SH3D19: variants seen among roughly 807,000 people sequenced by gnomAD.
SH3D19 encodes SH3 domain-containing protein 19.
In SH3D19, 58 loss-of-function variants were observed where a neutral mutation model predicts 112.1. The ratio of observed to expected loss-of-function variants is 0.52; its 90% CI spans 0.42 to 0.64. SH3D19 has a LOEUF of 0.64. SH3D19 is among the 30% of genes least tolerant of loss of function. SH3D19 has a pLI of 0.00. For synonymous variants in SH3D19, 391 were observed against 448.5 expected (o/e 0.87, Z 1.62); for missense variants, 1,090 against 1,263.4 (o/e 0.86, Z 2.08).
chr4:151,239,018 C>T (rs1305343291), intron 1 of SH3D19, among the ~76,000 whole-genome samples: 1 of 152,108 alleles, frequency 6.6e-6, no homozygotes, highest in Non-Finnish European at 1.5e-5. Context: ...AAAGTAAGTG[C>T]CCAATTCTGA....
At chr4:151,227,229 T>C (rs534325703) in intron 1 of SH3D19, among the ~76,000 whole-genome samples, 17 of 152,214 alleles carry the variant, frequency 1.1e-4, no homozygotes, top group African/African-American at 3.9e-4. Context: ...TTATGAAACA[T>C]ACTCTAAAAC....
At chr4:151,322,258 C>A (rs951978243) in intron 1 of SH3D19, among the ~76,000 whole-genome samples, 1 of 151,744 alleles carries the variant, frequency 6.6e-6, no homozygotes, top group Admixed American at 6.6e-5. Flanking sequence ...CATGGTGAAA[C>A]CCCGTCTCCA....
chr4:151,126,561 T>C (rs1026319435), intron 19 of SH3D19, among the ~76,000 whole-genome samples: 2 of 151,918 alleles, frequency 1.3e-5, no homozygotes, highest in Admixed American at 6.6e-5. Flanking sequence ...TTTTGGAGGC[T>C]GAGGTGGGCG....
chr4:151,176,612 C>T lies in SH3D19; in HGVS notation c.451G>A (p.Ala151Thr). 1.6e-6 allele frequency: 2 copies of T among 1,231,444 alleles called. No homozygotes were observed. Among genetic ancestry groups the T allele is most frequent in the Non-Finnish European group, 2.0e-6 (2 of 987,358 alleles). The allele number at this position is 1,231,444 out of a possible 1,614,324, so 76.3% of individuals were successfully genotyped here. The change falls in exon 6 of 20, where the codon GCT (alanine) becomes ACT (threonine). Residue 151 changes from alanine to threonine, a missense_variant. Transcript: ENST00000604030. Reference protein sequence around the residue: ...QVNTTNNNNAAATPRHTITSA... With the variant: ...QVNTTNNNNATATPRHTITSA... ...GTAATAGTGTGCCTTGGAGTAGCAG[C>T]AGCATTATTATTATTTGTAGTATTA... is the stretch of plus-strand genomic sequence containing the variant.
chr4:151,243,505 A>G (rs1228885793), intron 1 of SH3D19, among the ~76,000 whole-genome samples: 1 of 152,270 alleles, frequency 6.6e-6, no homozygotes, highest in Admixed American at 6.5e-5. Flanking sequence ...TCAGGATGTC[A>G]CTGACAATAT....
chr4:151,297,771 A>C (rs1775803335), intron 1 of SH3D19, among the ~76,000 whole-genome samples: 1 of 152,216 alleles, frequency 6.6e-6, no homozygotes, highest in African/African-American at 2.4e-5. Context: ...TAATCCCCAG[A>C]ATCTGTGAAT....
intron 1 of SH3D19, among the ~76,000 whole-genome samples, chr4:151,252,775 T>C (rs1348843679): frequency 6.6e-6 from 1 of 152,122 alleles, no homozygotes; most frequent in Non-Finnish European, 1.5e-5. Context: ...CCAGAAACCT[T>C]CTCCTCCTAC....
chr4:151,309,857 G>C (rs1729269752), intron 1 of SH3D19, among the ~76,000 whole-genome samples: 1 of 152,144 alleles, frequency 6.6e-6, no homozygotes, highest in Non-Finnish European at 1.5e-5. Context: ...GGGTATGGTG[G>C]CACATACTTG....
intron 1 of SH3D19, among the ~76,000 whole-genome samples, chr4:151,319,979 G>A (rs1401203378): frequency 6.6e-6 from 1 of 152,062 alleles, no homozygotes; most frequent in East Asian, 1.9e-4. Context: ...ACTAGCTGAG[G>A]GACTGTGGAT....
intron 2 of SH3D19, among the ~76,000 whole-genome samples, chr4:151,224,295 C>T (rs973464935): frequency 2.0e-5 from 3 of 151,558 alleles, no homozygotes; most frequent in South Asian, 2.1e-4. Context: ...GGAAACAGGG[C>T]GAGACTCCAT....
At position 151,122,110 on chromosome 4, in the gene SH3D19, TG is replaced by T. The variant is rs745500874; in HGVS notation, c.3124del (p.Gln1042SerfsTer21). On this transcript the variant is annotated frameshift_variant, in exon 20 of 20. Coordinates refer to ENST00000604030, the MANE Select transcript of SH3D19 (RefSeq NM_001378122.1). LOFTEE classifies it high-confidence loss of function. ...TCTCCTCTAGCTGATCTGTAGAAAC[TG>T]TATGTAGTTTTTGGGAAATATTCCA... is the stretch of plus-strand genomic sequence containing the variant. ...KSGIFPKNYIQFLQIS is the reference protein window; with the variant it reads ...KSGIFPKNYIXFLQIS 36 of 1,590,494 alleles carry T rather than the reference TG, an allele frequency of 2.3e-5. No individual in the cohort carries two copies. The highest frequency in any genetic ancestry group is 3.0e-5 in the Non-Finnish European group (35 of 1,158,810).
chr4:151,307,941 G>T (rs1197234629), intron 1 of SH3D19, among the ~76,000 whole-genome samples: 1 of 152,090 alleles, frequency 6.6e-6, no homozygotes, highest in African/African-American at 2.4e-5. Context: ...ACAGTGTTTT[G>T]CTGTTACTGC....
intron 2 of SH3D19, among the ~76,000 whole-genome samples, chr4:151,207,566 G>C (rs984291442): frequency 2.0e-5 from 3 of 152,292 alleles, no homozygotes; most frequent in Non-Finnish European, 4.4e-5. Context: ...TCTTCAGGTA[G>C]CCAAAGGTAA....
At chr4:151,233,360 C>T (rs1164950162) in intron 1 of SH3D19, among the ~76,000 whole-genome samples, 1 of 152,168 alleles carries the variant, frequency 6.6e-6, no homozygotes, top group Admixed American at 6.5e-5. Flanking sequence ...ATGAGACCAG[C>T]CCCTGGTGCC....
intron 7 of SH3D19, among the ~76,000 whole-genome samples, chr4:151,170,976 C>T (rs1758935038): frequency 6.6e-6 from 1 of 152,198 alleles, no homozygotes. Flanking sequence ...TTGCATTTTT[C>T]ACCTAATAAT....
chr4:151,241,575 A>G (rs1770563201), intron 1 of SH3D19, among the ~76,000 whole-genome samples: 1 of 143,798 alleles, frequency 7.0e-6, no homozygotes, highest in South Asian at 2.1e-4. Context: ...TATCTAATTT[A>G]TTTATTTAAG....
At chr4:151,211,492 TAA>T (rs1442055482) in intron 2 of SH3D19, among the ~76,000 whole-genome samples, 3 of 151,726 alleles carry the variant, frequency 2.0e-5, no homozygotes, top group African/African-American at 7.3e-5. Context: ...TAGAAATGGT[TAA>T]GTTTAGTGAG....
rs569510464 is a variant in SH3D19 at position 151,324,880 on chromosome 4, A to G, written c.112+361T>C. On this transcript the variant is annotated intron_variant, in intron 1 of 19. Coordinates refer to ENST00000604030, the MANE Select transcript of SH3D19 (RefSeq NM_001378122.1). ...GACCTGGCTGCGGCGGCGCAGGCAA[A>G]CCCCTCGGAAGGTGTCGTTGTCCAC... Among the ~76,000 whole-genome samples, 29 of 151,816 alleles carry G rather than the reference A, an allele frequency of 1.9e-4. No individual in the cohort carries two copies. In the South Asian group the frequency reaches 6.1e-3, roughly 32 times the overall value.
In SH3D19 at chr4:151,137,718, C is replaced by G; in HGVS notation, c.2427+14G>C. On this transcript the variant is annotated intron_variant, in intron 14 of 19. Coordinates refer to ENST00000604030, the MANE Select transcript of SH3D19 (RefSeq NM_001378122.1). Reference sequence around the variant, plus strand: ...GAGTATATGACCAAATTAAAACAAACACAACCCACTTACAATCACTTTGAC... The same window carrying G: ...GAGTATATGACCAAATTAAAACAAAGACAACCCACTTACAATCACTTTGAC... The G allele has an allele frequency of 6.4e-7, 1 of 1,574,768 alleles. No individual in the cohort carries two copies. The highest frequency in any genetic ancestry group is 1.9e-5 in the Admixed American group (1 of 53,088).
Sources: gnomAD v4.1 joint callset for allele counts (sites outside exome capture counted in the v4.1 genomes callset) on GRCh38, gnomAD v4.1.1 for gene constraint, MANE v1.5 for transcripts, NCBI Gene and HGNC (gene_info 2026-07-23, HGNC 2026-07-21) for gene names.